Variants in BMP8A observed in about 807,000 individuals in gnomAD.
The protein encoded by BMP8A is BMP-8A.
A neutral mutation model predicts 36.8 loss-of-function variants in BMP8A; 14 were observed. The observed-to-expected ratio is 0.38, with a 90% confidence interval of 0.25 to 0.60. The LOEUF (loss-of-function observed/expected upper bound fraction) is 0.60, where lower values mean the gene tolerates loss of function less well. Ranked by LOEUF, BMP8A falls within the 20% of genes least tolerant of loss-of-function variation. The pLI is 0.63. For missense variants in BMP8A, 267 were observed against 551.1 expected, an observed-to-expected ratio of 0.48 and a Z score of 5.16; for synonymous variants, 120 against 237.7, an observed-to-expected ratio of 0.50 and a Z score of 4.55.
intron 3 of BMP8A, among the ~76,000 whole-genome samples, chr1:39,512,709 GCAC>G (rs1464703717): frequency 2.4e-4 from 37 of 151,376 alleles, no homozygotes; most frequent in African/African-American, 8.7e-4. Flanking sequence ...GCAGTGACCG[GCAC>G]GGTGCTAGCA....
chr1:39,523,260 A>G, intron 6 of BMP8A, 143 bp downstream of exon 6: 4 of 1,017,210 alleles, frequency 3.9e-6, no homozygotes, highest in East Asian at 2.5e-5. Flanking sequence ...TAACGTCGCT[A>G]ACTTCCCACA....
At chr1:39,507,769 G>C (rs1431536081) in intron 1 of BMP8A, among the ~76,000 whole-genome samples, 1 of 152,188 alleles carries the variant, frequency 6.6e-6, no homozygotes, top group Non-Finnish European at 1.5e-5. Context: ...CCATAACCAA[G>C]TACTGACTAC....
At chr1:39,515,916 G>A in intron 3 of BMP8A, 1 of 1,536,684 alleles carries the variant, frequency 6.5e-7, no homozygotes, top group Non-Finnish European at 8.9e-7. Context: ...CTGCTGGCCA[G>A]CAACTTCATC....
At chr1:39,508,291 G>A (rs374041213) in intron 1 of BMP8A, among the ~76,000 whole-genome samples, 1 of 151,918 alleles carries the variant, frequency 6.6e-6, no homozygotes, top group Non-Finnish European at 1.5e-5. Context: ...AAAACTGAAC[G>A]TCTCCCTTTC....
chr1:39,497,738 T>TCCCTGC (rs200722762), intron 1 of BMP8A, among the ~76,000 whole-genome samples: 2,601 of 152,242 alleles, frequency 0.017, 75 homozygotes, highest in African/African-American at 0.057. Flanking sequence ...TTCTGACTCT[T>TCCCTGC]CCCTGCCCCT....
chr1:39,504,164 G>A (rs1404790535), intron 1 of BMP8A, among the ~76,000 whole-genome samples: 1 of 152,122 alleles, frequency 6.6e-6, no homozygotes, highest in Admixed American at 6.5e-5. Context: ...ACGCCTGTGG[G>A]TATTTCTCGA....
At chr1:39,514,841 G>C in intron 3 of BMP8A, 1 of 1,162,260 alleles carries the variant, frequency 8.6e-7, no homozygotes, top group Non-Finnish European at 1.1e-6. Flanking sequence ...TGGCCGGGGA[G>C]ACCTGCTGGG....
chr1:39,509,597 C>T (rs544497487), intron 1 of BMP8A, among the ~76,000 whole-genome samples: 7 of 152,262 alleles, frequency 4.6e-5, no homozygotes, highest in Middle Eastern at 3.4e-3. Context: ...CTCCTCCTGC[C>T]CACACACGTC....
intron 1 of BMP8A, among the ~76,000 whole-genome samples, chr1:39,499,238 G>C (rs1343317284): frequency 6.6e-6 from 1 of 152,164 alleles, no homozygotes; most frequent in Non-Finnish European, 1.5e-5. Flanking sequence ...GGGGCCACCC[G>C]GGGAGAGCAG....
At position 39,524,120 on chromosome 1, in the gene BMP8A, A is replaced by C. The variant is rs1645458825; in HGVS notation, c.1059+1003A>C. Among the ~76,000 whole-genome samples the C allele has an allele frequency of 6.6e-6, 1 of 152,154 alleles. No homozygotes were observed. Among genetic ancestry groups the C allele is most frequent in the South Asian group, 2.1e-4 (1 of 4,820 alleles). On this transcript the variant is annotated intron_variant, in intron 6 of 6. Coordinates refer to ENST00000331593, the MANE Select transcript of BMP8A (RefSeq NM_181809.4). This position sits in a 1 kb window ranked among gnomAD's most constrained non-coding sequence, Gnocchi z 4.0. ...CAAATGGTGTTTGCTGGACACCTGGAGCCATCTCCTTGGAAAGGCCCAGGG... is the reference window on the plus strand; with the variant it reads ...CAAATGGTGTTTGCTGGACACCTGGCGCCATCTCCTTGGAAAGGCCCAGGG...
chr1:39,509,348 C>CA (rs1645330755), intron 1 of BMP8A, among the ~76,000 whole-genome samples: 1 of 152,156 alleles, frequency 6.6e-6, no homozygotes, highest in African/African-American at 2.4e-5. Flanking sequence ...AATTGTCACC[C>CA]AAGTCGTGTT....
intron 1 of BMP8A, among the ~76,000 whole-genome samples, chr1:39,502,360 A>G (rs1570281761): frequency 2.0e-5 from 3 of 152,202 alleles, no homozygotes; most frequent in African/African-American, 7.2e-5. Flanking sequence ...GTTTTTGCAC[A>G]CATTAATGTA....
intron 3 of BMP8A, chr1:39,514,952 G>A (rs1388108394): frequency 2.6e-6 from 4 of 1,511,292 alleles, no homozygotes; most frequent in East Asian, 4.9e-5. Context: ...GACCCGGGCC[G>A]ACTATGGCGG....
At chr1:39,505,454 G>A (rs1203992651) in intron 1 of BMP8A, among the ~76,000 whole-genome samples, 1 of 152,130 alleles carries the variant, frequency 6.6e-6, no homozygotes, top group Non-Finnish European at 1.5e-5. Context: ...CAGGGTTGGG[G>A]CTAGGGTTAC....
intron 1 of BMP8A, among the ~76,000 whole-genome samples, chr1:39,507,705 G>A (rs1182455084): frequency 1.3e-5 from 2 of 152,200 alleles, no homozygotes; most frequent in African/African-American, 2.4e-5. Flanking sequence ...TGGGGGCTGG[G>A]CATTCACTGA....
chr1:39,499,284 T>G (rs1451175687), intron 1 of BMP8A, among the ~76,000 whole-genome samples: 1 of 151,916 alleles, frequency 6.6e-6, no homozygotes, highest in African/African-American at 2.4e-5. Flanking sequence ...CGTCTGCAGG[T>G]AGAAGGCACA....
At chr1:39,493,551 G>A (rs977837860) in intron 1 of BMP8A, among the ~76,000 whole-genome samples, 4 of 152,210 alleles carry the variant, frequency 2.6e-5, no homozygotes, top group African/African-American at 7.2e-5. Flanking sequence ...GGTCTTGTGG[G>A]GCCATCAGCC....
At chr1:39,515,811 C>A (rs1321349300) in intron 3 of BMP8A, 1 of 1,590,650 alleles carries the variant, frequency 6.3e-7, no homozygotes, top group African/African-American at 1.3e-5. Flanking sequence ...GATGGAGACG[C>A]TGGAAAGGAA....
At chr1:39,525,568 G>T (rs1203980241) in intron 6 of BMP8A, 81 bp from the exon 7 acceptor site, 1 of 1,547,170 alleles carries the variant, frequency 6.5e-7, no homozygotes, top group Non-Finnish European at 8.7e-7. Flanking sequence ...CAGGGAGCAG[G>T]TGGAGCTGGG....
Sources: allele counts gnomAD v4.1 joint callset (sites outside exome capture counted in the v4.1 genomes callset), GRCh38; gene constraint gnomAD v4.1.1; non-coding constraint Gnocchi (gnomAD v3.1); transcripts MANE v1.5; gene names NCBI Gene and HGNC (gene_info 2026-07-23, HGNC 2026-07-21).